TENM3: variants seen among roughly 807,000 people sequenced by gnomAD.
TENM3 encodes the protein teneurin-3.
In TENM3, 63 loss-of-function variants were observed where a neutral mutation model predicts 255.1. The ratio of observed to expected loss-of-function variants is 0.25; its 90% CI spans 0.20 to 0.30. The LOEUF is 0.30. Among genes scored for constraint, TENM3 ranks in the 10% least tolerant of loss-of-function variants. TENM3 has a pLI of 1.00. For synonymous variants in TENM3, 1,306 were observed against 1,322.3 expected (o/e 0.99, Z 0.27); for missense variants, 2,929 against 3,461.1 (o/e 0.85, Z 3.86).
chr4:182,297,495 A>G (rs575678973), intron 1 of TENM3, among the ~76,000 whole-genome samples: 1 of 152,298 alleles, frequency 6.6e-6, no homozygotes, highest in South Asian at 2.1e-4. Flanking sequence ...GTAATTCACC[A>G]TCCTGTGGTT....
intron 27 of TENM3, among the ~76,000 whole-genome samples, chr4:182,797,943 T>C (rs1766616505): frequency 1.3e-5 from 2 of 152,114 alleles, no homozygotes; most frequent in Non-Finnish European, 2.9e-5. Flanking sequence ...TCCTTTTTCA[T>C]AAGTTACAAA....
chr4:182,517,540 C>T (rs542536477), intron 3 of TENM3, among the ~76,000 whole-genome samples: 6 of 146,820 alleles, frequency 4.1e-5, no homozygotes, highest in South Asian at 2.2e-4. Flanking sequence ...CCCGCTACCA[C>T]GCCCGGCTAA....
chr4:182,322,748 C>T (rs1230406547), intron 1 of TENM3, among the ~76,000 whole-genome samples: 1 of 152,130 alleles, frequency 6.6e-6, no homozygotes, highest in African/African-American at 2.4e-5. Flanking sequence ...CAGACCAAGA[C>T]TGAGACCAGA....
chr4:182,786,873 A>G (rs1561252474), intron 24 of TENM3, among the ~76,000 whole-genome samples: 1 of 152,226 alleles, frequency 6.6e-6, no homozygotes, highest in Non-Finnish European at 1.5e-5. Flanking sequence ...TTAAACATTC[A>G]GGGTATTTTT....
intron 3 of TENM3, among the ~76,000 whole-genome samples, chr4:182,367,080 C>G (rs1379153873): frequency 6.6e-6 from 1 of 151,924 alleles, no homozygotes; most frequent in Non-Finnish European, 1.5e-5. Context: ...TGCTAAACTG[C>G]ACTTTGAAAA....
intron 3 of TENM3, among the ~76,000 whole-genome samples, chr4:182,454,712 T>G (rs1037042841): frequency 2.0e-5 from 3 of 152,242 alleles, no homozygotes; most frequent in African/African-American, 7.2e-5. Context: ...ATTTCTTAAC[T>G]TTATGGCCAA....
chr4:182,066,175 T>G, the TENM3 span, among the ~76,000 whole-genome samples: 3 of 152,200 alleles, frequency 2.0e-5, no homozygotes, highest in Non-Finnish European at 4.4e-5. Flanking sequence ...ATTTCTAATA[T>G]TCCAACCATC....
the TENM3 span, among the ~76,000 whole-genome samples, chr4:181,784,429 T>C: frequency 1.9e-4 from 29 of 152,194 alleles, no homozygotes; most frequent in African/African-American, 7.0e-4. Flanking sequence ...TTTAAAAATA[T>C]ATTATTGGAT....
the TENM3 span, among the ~76,000 whole-genome samples, chr4:182,001,166 C>A: frequency 2.0e-5 from 3 of 151,564 alleles, no homozygotes; most frequent in African/African-American, 4.8e-5. Flanking sequence ...AACCTGTTTG[C>A]GGTCAACCAG....
the TENM3 span, among the ~76,000 whole-genome samples, chr4:181,643,841 C>T: frequency 6.6e-6 from 1 of 152,110 alleles, no homozygotes; most frequent in East Asian, 1.9e-4. Context: ...CTTTGGGAGG[C>T]CAAGGCGGGC....
At chr4:181,843,965 G>A in the TENM3 span, among the ~76,000 whole-genome samples, 120 of 152,104 alleles carry the variant, frequency 7.9e-4, no homozygotes, top group African/African-American at 2.8e-3. Context: ...TGATCCGCCC[G>A]CCTCGGCTTC....
chr4:182,088,765 C>A, the TENM3 span, among the ~76,000 whole-genome samples: 19 of 150,462 alleles, frequency 1.3e-4, no homozygotes, highest in African/African-American at 4.4e-4. Flanking sequence ...ACCCGGGAGG[C>A]AGAGGTTGCA....
chr4:181,762,160 G>A, the TENM3 span, among the ~76,000 whole-genome samples: 5 of 152,008 alleles, frequency 3.3e-5, no homozygotes, highest in African/African-American at 1.2e-4. Context: ...ATTGCCTCCT[G>A]GGTCATTCTG....
At chr4:182,621,657 TATAATATG>T (rs1750183395) in intron 4 of TENM3, among the ~76,000 whole-genome samples, 1 of 50,950 alleles carries the variant, frequency 2.0e-5, no homozygotes, top group African/African-American at 7.0e-5. Context: ...TATTATAATA[TATAATATG>T]TATTATATAT....
At chr4:181,478,875 T>C in the TENM3 span, among the ~76,000 whole-genome samples, 1 of 152,306 alleles carries the variant, frequency 6.6e-6, no homozygotes, top group African/African-American at 2.4e-5. Flanking sequence ...CTGTTAATGC[T>C]TCCCTGAGAG....
chr4:182,209,364 C>T lies in TENM3; in HGVS notation c.-76+64610C>T, dbSNP rs1343237820. Among the ~76,000 whole-genome samples the T allele has an allele frequency of 3.3e-5, 5 of 151,984 alleles. No individual in the cohort carries two copies. In the East Asian group the frequency reaches 7.8e-4, roughly 24 times the overall value. ...CCCCCACACTCAAGGCAGGTGCTTC[C>T]CAGGCACCTTGTGTGCGTGTGGCCC... is the stretch of plus-strand genomic sequence containing the variant. On this transcript the variant is annotated intron_variant, in intron 1 of 2. Transcript: ENST00000512480.
intron 10 of TENM3, 34 bp from the exon 11 acceptor site, chr4:182,681,780 G>A: frequency 6.6e-7 from 1 of 1,516,330 alleles, no homozygotes; most frequent in Non-Finnish European, 9.1e-7. Context: ...GATATCTTCT[G>A]GATTTAATAA....
rs1368927716 is a variant in TENM3 at position 182,783,504 on chromosome 4, C to A, written c.5305-5589C>A. 3.3e-5 allele frequency among the ~76,000 whole-genome samples: 5 copies of A among 152,062 alleles called. No individual in the cohort carries two copies. In the East Asian group the frequency reaches 9.7e-4, roughly 29 times the overall value. On this transcript the variant is annotated intron_variant, in intron 24 of 27. Coordinates refer to ENST00000511685, the MANE Select transcript of TENM3 (RefSeq NM_001080477.4). ...GCCCTTAACATTTTTTCCTTCATTT[C>A]AACTTTGGTGAATCTGACAATTATG...
chr4:182,296,763 A>G (rs573969699), intron 1 of TENM3, among the ~76,000 whole-genome samples: 39 of 152,360 alleles, frequency 2.6e-4, no homozygotes, highest in African/African-American at 8.2e-4. Flanking sequence ...TTAAAACAAA[A>G]GAGCTCAATT....
Sources: gnomAD v4.1 joint callset for allele counts (sites outside exome capture counted in the v4.1 genomes callset) on GRCh38, gnomAD v4.1.1 for gene constraint, MANE v1.5 for transcripts, NCBI Gene and HGNC (gene_info 2026-07-23, HGNC 2026-07-21) for gene names.